Variants in GMDS observed in about 807,000 individuals in gnomAD.
GMDS encodes GDP-mannose 4,6 dehydratase.
Under a neutral mutation model 49.9 loss-of-function variants are expected in GMDS, and 20 were observed. That is an observed-to-expected ratio of 0.40 (90% CI 0.28 to 0.58). GMDS has a LOEUF of 0.58. Among genes scored for constraint, GMDS ranks in the 20% least tolerant of loss-of-function variants. The pLI is 0.42. For missense variants in GMDS, 362 were observed against 481.4 expected (o/e 0.75, Z 2.32); for synonymous variants, 177 against 178.6 (o/e 0.99, Z 0.07).
In GMDS at chr6:1,690,663, G is replaced by GA. The variant is rs1187348363; in HGVS notation, c.987+35752dup. Reference sequence around the variant, plus strand: ...ACACGGAACCTAAACAAATTTACAAGAAAAAAACCAAACAACTCCATTAAA... The same window carrying GA: ...ACACGGAACCTAAACAAATTTACAAGAAAAAAAACCAAACAACTCCATTAAA... On this transcript the variant is annotated intron_variant, in intron 9 of 10. Transcript: ENST00000380815. 2.6e-5 allele frequency among the ~76,000 whole-genome samples: 4 copies of GA among 151,260 alleles called. No homozygotes were observed. In the South Asian group the frequency reaches 6.4e-4, roughly 24 times the overall value.
At position 1,872,620 on chromosome 6, in the gene GMDS, C is replaced by T. The variant is rs533549453; in HGVS notation, c.771+57483G>A. ...AACTGGCTAGTCACATTATTTATTA[C>T]GAGCCACACATGTGACAAATTATTT... is the stretch of plus-strand genomic sequence containing the variant. On this transcript the variant is annotated intron_variant, in intron 7 of 10. Transcript: ENST00000380815. Among the ~76,000 whole-genome samples the T allele has an allele frequency of 7.9e-5, 12 of 152,336 alleles. No homozygotes were observed. The South Asian group carries it at 1.0e-3, about 13-fold the overall frequency.
intron 7 of GMDS, among the ~76,000 whole-genome samples, chr6:1,856,837 C>T (rs983087366): frequency 6.6e-6 from 1 of 152,194 alleles, no homozygotes; most frequent in South Asian, 2.1e-4. Flanking sequence ...GAACAGAATC[C>T]TTCCTTATGT....
chr6:1,629,750 A>G lies in GMDS; in HGVS notation c.988-5210T>C, dbSNP rs564063097. 1.1e-3 allele frequency among the ~76,000 whole-genome samples: 165 copies of G among 152,022 alleles called. 1 individual carries two copies. In the South Asian group the frequency reaches 0.03, roughly 28 times the overall value. ...GCATGGTGCCTAATGGGCACTTTAA[A>G]ATCCTCTGACCACCCCTCTCGCCGA... On this transcript the variant is annotated intron_variant, in intron 9 of 10. Coordinates refer to ENST00000380815, the MANE Select transcript of GMDS (RefSeq NM_001500.4).
chr6:2,141,857 T>C (rs1204210680), intron 1 of GMDS, among the ~76,000 whole-genome samples: 1 of 116,642 alleles, frequency 8.6e-6, no homozygotes, highest in Non-Finnish European at 1.7e-5. Flanking sequence ...TTGGTTTTGG[T>C]TGTGCGTGCT....
At chr6:1,951,960 G>C (rs995580019) in intron 6 of GMDS, 1 of 983,828 alleles carries the variant, frequency 1.0e-6, no homozygotes, top group Non-Finnish European at 1.2e-6. Context: ...CAGTGTCACA[G>C]GGGTTTCTTT....
chr6:1,899,289 T>G (rs986649213), intron 7 of GMDS, among the ~76,000 whole-genome samples: 7 of 151,002 alleles, frequency 4.6e-5, no homozygotes, highest in African/African-American at 1.7e-4. Flanking sequence ...TTTGTTTTGA[T>G]TTGTGTTTTT....
chr6:2,223,123 CAATCAATA>C (rs1314232090), intron 1 of GMDS, among the ~76,000 whole-genome samples: 2 of 151,592 alleles, frequency 1.3e-5, no homozygotes, highest in African/African-American at 4.9e-5. Flanking sequence ...ATCAATCAAT[CAATCAATA>C]GCGCGCTCTC....
At chr6:1,892,742 C>T (rs1759930555) in intron 7 of GMDS, among the ~76,000 whole-genome samples, 2 of 152,190 alleles carry the variant, frequency 1.3e-5, no homozygotes, top group African/African-American at 2.4e-5. Flanking sequence ...ATCAGGGTGG[C>T]TTTAGGTTCA....
chr6:1,886,446 T>A (rs1219097470), intron 7 of GMDS, among the ~76,000 whole-genome samples: 4 of 152,196 alleles, frequency 2.6e-5, no homozygotes, highest in South Asian at 2.1e-4. Flanking sequence ...ATTAAGACAT[T>A]TCATTTACAG....
At chr6:2,011,830 G>A (rs778235982) in intron 4 of GMDS, among the ~76,000 whole-genome samples, 5 of 152,152 alleles carry the variant, frequency 3.3e-5, no homozygotes, top group Non-Finnish European at 7.4e-5. Flanking sequence ...GGCTGAGATG[G>A]GAAAACCCCT....
chr6:2,185,534 CA>C (rs1778741835), intron 1 of GMDS, among the ~76,000 whole-genome samples: 2 of 152,152 alleles, frequency 1.3e-5, no homozygotes, highest in African/African-American at 4.8e-5. Flanking sequence ...CTGGAGCCAA[CA>C]ACAATAAATA....
At chr6:1,935,728 A>C (rs978993840) in intron 6 of GMDS, among the ~76,000 whole-genome samples, 1 of 152,326 alleles carries the variant, frequency 6.6e-6, no homozygotes, top group East Asian at 1.9e-4. Flanking sequence ...GAGAACAACT[A>C]ATAAGGTTTT....
chr6:1,814,272 A>G (rs747251701), intron 7 of GMDS, among the ~76,000 whole-genome samples: 2 of 152,206 alleles, frequency 1.3e-5, no homozygotes, highest in Non-Finnish European at 2.9e-5. Context: ...CTTCTCCACT[A>G]CAGGAAGAAG....
intron 1 of GMDS, among the ~76,000 whole-genome samples, chr6:2,136,890 G>T (rs1776030962): frequency 7.3e-6 from 1 of 137,516 alleles, no homozygotes; most frequent in African/African-American, 2.8e-5. Flanking sequence ...GTGACAGAGT[G>T]AGACTTCATT....
At chr6:2,182,540 G>T (rs1778600049) in intron 1 of GMDS, among the ~76,000 whole-genome samples, 1 of 152,204 alleles carries the variant, frequency 6.6e-6, no homozygotes. Flanking sequence ...ACTTATGTGA[G>T]CCAGTGTTTA....
rs183316241 is a variant in GMDS, at chr6:1,640,040, G to A, written c.988-15500C>T. ...AAGATCAGAGATAAAATCAGTGCCT[G>A]ATGTTGGGTAAGTGCCCGACAGACA... On this transcript the variant is annotated intron_variant, in intron 9 of 10. Coordinates refer to ENST00000380815, the MANE Select transcript of GMDS (RefSeq NM_001500.4). The surrounding 1 kb of genome is among the most constrained non-coding windows in gnomAD (Gnocchi z 4.0). Among the ~76,000 whole-genome samples the A allele has an allele frequency of 6.6e-6, 1 of 152,300 alleles. No homozygotes were observed. The highest frequency in any genetic ancestry group is 1.9e-4 in the East Asian group (1 of 5,184).
chr6:2,102,679 G>T (rs1384974079), intron 4 of GMDS, among the ~76,000 whole-genome samples: 1 of 152,114 alleles, frequency 6.6e-6, no homozygotes, highest in African/African-American at 2.4e-5. Context: ...ATTATATTCT[G>T]ATTAAAAGCT....
At chr6:1,850,128 ACTGCC>A (rs1561844544) in intron 7 of GMDS, among the ~76,000 whole-genome samples, 1 of 152,194 alleles carries the variant, frequency 6.6e-6, no homozygotes, top group Non-Finnish European at 1.5e-5. Context: ...TCTTCTGCTA[ACTGCC>A]TCCAAATAAA....
chr6:2,036,723 C>T (rs1769327419), intron 4 of GMDS, among the ~76,000 whole-genome samples: 1 of 152,126 alleles, frequency 6.6e-6, no homozygotes, highest in African/African-American at 2.4e-5. Flanking sequence ...AGCAGTTATC[C>T]TCACGAAGCA....
Sources: gnomAD v4.1 joint callset for allele counts (sites outside exome capture counted in the v4.1 genomes callset) on GRCh38, gnomAD v4.1.1 for gene constraint, Gnocchi (gnomAD v3.1) non-coding constraint, MANE v1.5 for transcripts, NCBI Gene and HGNC (gene_info 2026-07-23, HGNC 2026-07-21) for gene names.